NALF1: variants seen among roughly 807,000 people sequenced by gnomAD.
NALF1 encodes family with sequence similarity 155 member A.
A neutral mutation model predicts 48.4 loss-of-function variants in NALF1; 3 were observed. The observed-to-expected ratio is 0.06, with a 90% CI of 0.03 to 0.16. The LOEUF (loss-of-function observed/expected upper bound fraction) is 0.16. Among genes scored for constraint, NALF1 ranks in the 10% least tolerant of loss-of-function variants. The probability of loss-of-function intolerance (pLI) is 1.00; values close to 1 mark genes in which losing one functional copy is unlikely to be tolerated. For missense variants in NALF1, 526 were observed against 571.5 expected (o/e 0.92, Z 0.81); for synonymous variants, 262 against 245.7 (o/e 1.07, Z -0.62).
At chr13:107,768,429 C>T (rs761220631) in intron 1 of NALF1, among the ~76,000 whole-genome samples, 26 of 152,140 alleles carry the variant, frequency 1.7e-4, no homozygotes, top group Non-Finnish European at 2.4e-4. Flanking sequence ...TATTCTAATA[C>T]GATGGGACAC....
intron 2 of NALF1, among the ~76,000 whole-genome samples, chr13:107,209,524 C>A (rs1224468825): frequency 1.3e-5 from 2 of 151,854 alleles, no homozygotes; most frequent in Non-Finnish European, 2.9e-5. Flanking sequence ...AAGAAATACT[C>A]ATCCAGTTCT....
intron 1 of NALF1, among the ~76,000 whole-genome samples, chr13:107,777,405 G>T (rs716186): frequency 1.3e-5 from 2 of 152,056 alleles, no homozygotes; most frequent in Admixed American, 1.3e-4. Context: ...CAAATCTCAC[G>T]TTGAATTGCA....
At chr13:107,522,724 G>A (rs1015362731) in intron 1 of NALF1, among the ~76,000 whole-genome samples, 11 of 151,588 alleles carry the variant, frequency 7.3e-5, no homozygotes, top group African/African-American at 2.2e-4. Flanking sequence ...CTGCCTTTGC[G>A]TCCCGAGTAG....
chr13:107,628,119 A>G (rs1369770858), intron 1 of NALF1, among the ~76,000 whole-genome samples: 1 of 152,090 alleles, frequency 6.6e-6, no homozygotes, highest in African/African-American at 2.4e-5. Flanking sequence ...ATGACTGCTC[A>G]GTTACCACAC....
rs1566437380 is a variant in NALF1, at chr13:107,163,822, CA to C, written c.*6674del. 2 of 151,882 alleles carry C rather than the reference CA, an allele frequency of 1.3e-5. No homozygotes were observed. The highest frequency in any genetic ancestry group is 1.3e-4 in the Admixed American group (2 of 15,260). The allele number at this position is 151,882 out of a possible 1,614,324, so 9.4% of individuals were successfully genotyped here. A position where few individuals can be genotyped will look rare whatever the true frequency, so the allele number is the denominator to read the frequency against. The stretch of plus-strand genomic sequence containing the variant: ...AGAAATAAGGAAAATTAAGTGCAAA[CA>C]TGAGAATGCTTATCATGATATGAAA... On this transcript the variant is annotated 3_prime_UTR_variant, in exon 3 of 3. Transcript: ENST00000375915.
chr13:107,522,401 G>C (rs2073168237), intron 1 of NALF1, among the ~76,000 whole-genome samples: 1 of 151,490 alleles, frequency 6.6e-6, no homozygotes, highest in Admixed American at 6.6e-5. Flanking sequence ...ATCTTTTTGT[G>C]CATCCTTTAA....
At chr13:107,351,983 T>C (rs903286147) in intron 1 of NALF1, among the ~76,000 whole-genome samples, 2 of 152,208 alleles carry the variant, frequency 1.3e-5, no homozygotes, top group Non-Finnish European at 2.9e-5. Context: ...CAACAGGTTA[T>C]AAGAAGAGCT....
rs142173661 is a variant in NALF1 at position 107,401,736 on chromosome 13, T to C, written c.916-190981A>G. ...TGAATTTCTTTTCCTGCTGTAATAA[T>C]TGCCAGTCAGCCGAAATGGCACGTG... On this transcript the variant is annotated intron_variant, in intron 1 of 2. Coordinates refer to ENST00000375915, the MANE Select transcript of NALF1 (RefSeq NM_001080396.3). Among the ~76,000 whole-genome samples, 9 of 152,202 alleles carry C rather than the reference T, an allele frequency of 5.9e-5. No homozygotes were observed. In the East Asian group the frequency reaches 1.7e-3, roughly 29 times the overall value.
intron 1 of NALF1, among the ~76,000 whole-genome samples, chr13:107,523,309 G>A (rs1876308707): frequency 1.3e-5 from 2 of 152,044 alleles, no homozygotes; most frequent in South Asian, 4.1e-4. Flanking sequence ...ATGTTCACGG[G>A]TATTTTAGAA....
chr13:107,344,432 C>G (rs1882737483), intron 1 of NALF1, among the ~76,000 whole-genome samples: 1 of 152,064 alleles, frequency 6.6e-6, no homozygotes, highest in Admixed American at 6.6e-5. Flanking sequence ...ATGCAAAAAT[C>G]CTTAACAAAA....
At chr13:107,204,959 A>ATT (rs199611027) in intron 2 of NALF1, among the ~76,000 whole-genome samples, 4 of 149,148 alleles carry the variant, frequency 2.7e-5, no homozygotes, top group Non-Finnish European at 4.5e-5. Flanking sequence ...CTATAGAGGT[A>ATT]TTTTTTTTTT....
intron 1 of NALF1, among the ~76,000 whole-genome samples, chr13:107,762,567 G>A (rs2138562640): frequency 6.6e-6 from 1 of 152,246 alleles, no homozygotes; most frequent in East Asian, 1.9e-4. Context: ...GTGTATGGAG[G>A]TAAGGCGGAA....
At chr13:107,464,653 T>C (rs1167237023) in intron 1 of NALF1, among the ~76,000 whole-genome samples, 1 of 152,138 alleles carries the variant, frequency 6.6e-6, no homozygotes, top group African/African-American at 2.4e-5. Context: ...CCCAAGTAGC[T>C]GGGATTACAG....
At chr13:107,286,744 T>C (rs141931291) in intron 1 of NALF1, among the ~76,000 whole-genome samples, 1 of 152,260 alleles carries the variant, frequency 6.6e-6, no homozygotes, top group East Asian at 1.9e-4. Context: ...GATGAAACTT[T>C]GACAAACATG....
rs879437250 is a variant in NALF1, at chr13:107,660,471, AC to A, written c.915+205210del. On this transcript the variant is annotated intron_variant, in intron 1 of 2. Coordinates refer to ENST00000375915, the MANE Select transcript of NALF1 (RefSeq NM_001080396.3). ...CACACACACACACACACACACACAC[AC>A]ACACACACACACAACAAAGAAACAA... 4.1e-3 allele frequency among the ~76,000 whole-genome samples: 511 copies of A among 124,078 alleles called. 6 individuals are homozygous for A. The highest frequency in any genetic ancestry group is 8.9e-3 in the Middle Eastern group (2 of 224). 81.4% of individuals were successfully genotyped at this position (124,078 alleles called of 152,430 possible).
intron 1 of NALF1, among the ~76,000 whole-genome samples, chr13:107,276,444 G>T (rs913009742): frequency 1.3e-5 from 2 of 152,084 alleles, no homozygotes; most frequent in Non-Finnish European, 2.9e-5. Context: ...CGTAGTAGAT[G>T]CCAATGAATC....
intron 1 of NALF1, among the ~76,000 whole-genome samples, chr13:107,683,321 T>C (rs1487707547): frequency 6.6e-6 from 1 of 152,220 alleles, no homozygotes; most frequent in African/African-American, 2.4e-5. Context: ...TAATTTTATT[T>C]TGTTTTCCTA....
intron 1 of NALF1, among the ~76,000 whole-genome samples, chr13:107,345,488 C>T (rs1882755139): frequency 1.3e-5 from 2 of 152,016 alleles, no homozygotes; most frequent in African/African-American, 2.4e-5. Context: ...ATCGAGAGCC[C>T]AGGAATAAAC....
intron 1 of NALF1, among the ~76,000 whole-genome samples, chr13:107,864,997 C>G (rs59223296): frequency 0.22 from 33,104 of 152,044 alleles, 3,867 homozygotes; most frequent in East Asian, 0.48. Flanking sequence ...TGATAAATAG[C>G]CTATTGCTAG....
Sources: gnomAD v4.1 joint callset for allele counts (sites outside exome capture counted in the v4.1 genomes callset) on GRCh38, gnomAD v4.1.1 for gene constraint, MANE v1.5 for transcripts, NCBI Gene and HGNC (gene_info 2026-07-23, HGNC 2026-07-21) for gene names.